The following DLGAP2 variants were observed in gnomAD, a reference collection of about 807,000 sequenced individuals.
DLGAP2 encodes the protein disks large-associated protein 2.
DLGAP2 carries 26 observed loss-of-function variants against 100.3 expected under a neutral mutation model. The observed-to-expected ratio is 0.26, with a 90% confidence interval of 0.19 to 0.36. DLGAP2 has a LOEUF of 0.36. Among genes scored for constraint, DLGAP2 ranks in the 10% least tolerant of loss-of-function variants. The pLI is 1.00. For missense variants in DLGAP2, 1,858 were observed against 1,453.2 expected, an observed-to-expected ratio of 1.28 and a Z score of -4.53; for synonymous variants, 886 against 630.1, an observed-to-expected ratio of 1.41 and a Z score of -6.08.
intron 2 of DLGAP2, among the ~76,000 whole-genome samples, chr8:916,682 A>T (rs555234239): frequency 9.2e-5 from 14 of 152,182 alleles, no homozygotes; most frequent in South Asian, 4.1e-4. Context: ...AAATAAATTT[A>T]AAAAAAAGAA....
Position 900,269 on chromosome 8 carries a change from C to CCGTCCTCTT in DLGAP2, c.19-7642_19-7641insGTCCTCTTC, listed in dbSNP as rs1477737237. On this transcript the variant is annotated intron_variant, in intron 1 of 14. Coordinates refer to ENST00000637795, the MANE Select transcript of DLGAP2 (RefSeq NM_001346810.2). ...ATTGCTCCCAGGCGGACGGTCGGCG[C>CCGTCCTCTT]CATCCTGTTCACGGCGTCGCTCCCG... is the stretch of plus-strand genomic sequence containing the variant. Among the ~76,000 whole-genome samples the CCGTCCTCTT allele has an allele frequency of 2.0e-5, 3 of 148,340 alleles. 1 individual carries two copies. Among genetic ancestry groups the CCGTCCTCTT allele is most frequent in the African/African-American group, 7.5e-5 (3 of 39,946 alleles).
chr8:1,454,931 A>G (rs2130126395), intron 3 of DLGAP2, among the ~76,000 whole-genome samples: 1 of 151,922 alleles, frequency 6.6e-6, no homozygotes, highest in Non-Finnish European at 1.5e-5. Context: ...AAGAACAGCC[A>G]CCTCTGAGCT....
chr8:1,703,277 G>A lies in DLGAP2; in HGVS notation c.*1871G>A, dbSNP rs1799623155. On this transcript the variant is annotated 3_prime_UTR_variant, in exon 15 of 15. Coordinates refer to ENST00000637795, the MANE Select transcript of DLGAP2 (RefSeq NM_001346810.2). Reference sequence around the variant, plus strand: ...TATATTTGGAAGCAAAAATCAGTACGAATGTATCTCCTTGAAAAATGCAAA... The same window carrying A: ...TATATTTGGAAGCAAAAATCAGTACAAATGTATCTCCTTGAAAAATGCAAA... 1.3e-5 allele frequency: 2 copies of A among 150,454 alleles called. No individual in the cohort carries two copies. Among genetic ancestry groups the A allele is most frequent in the Admixed American group, 6.7e-5 (1 of 14,982 alleles). 9.3% of individuals were successfully genotyped at this position (150,454 alleles called of 1,614,324 possible). A position where few individuals can be genotyped will look rare whatever the true frequency, so the allele number is the denominator to read the frequency against.
intron 8 of DLGAP2, among the ~76,000 whole-genome samples, chr8:1,648,567 C>T (rs1180353467): frequency 6.6e-6 from 1 of 152,104 alleles, no homozygotes; most frequent in African/African-American, 2.4e-5. Context: ...TCATTGGTCC[C>T]CTCCGGCTGT....
chr8:802,823 C>T (rs1049784786), intron 1 of DLGAP2, among the ~76,000 whole-genome samples: 6 of 152,130 alleles, frequency 3.9e-5, no homozygotes, highest in African/African-American at 1.4e-4. Flanking sequence ...TGATGTGGCC[C>T]CTCTGAGAAA....
intron 2 of DLGAP2, among the ~76,000 whole-genome samples, chr8:1,136,214 C>G (rs981543543): frequency 7.2e-5 from 11 of 152,128 alleles, no homozygotes; most frequent in African/African-American, 2.4e-4. Context: ...GGGTTCTGCT[C>G]CCTTAGGCAC....
intron 2 of DLGAP2, among the ~76,000 whole-genome samples, chr8:1,143,221 CACAT>C (rs1048457974): frequency 6.6e-6 from 1 of 152,178 alleles, no homozygotes; most frequent in Non-Finnish European, 1.5e-5. Flanking sequence ...AAAATGAAAA[CACAT>C]ACAATGTGCT....
intron 3 of DLGAP2, among the ~76,000 whole-genome samples, chr8:1,491,077 C>CAAAAAAAAAAAAAAAAAAAAAA (rs386411871): frequency 1.6e-5 from 1 of 64,516 alleles, no homozygotes; most frequent in African/African-American, 4.3e-5. Flanking sequence ...AACTGGAAAC[C>CAAAAAAAAAAAAAAAAAAAAAA]AAAAAAAAAA....
At chr8:1,414,515 C>T (rs969321516) in intron 3 of DLGAP2, among the ~76,000 whole-genome samples, 10 of 152,120 alleles carry the variant, frequency 6.6e-5, no homozygotes, top group South Asian at 6.2e-4. Flanking sequence ...AGAGCAGAAG[C>T]GGAAGGTGGC....
intron 5 of DLGAP2, 55 bp downstream of exon 5, chr8:1,549,738 C>T: frequency 2.8e-6 from 4 of 1,451,374 alleles, no homozygotes; most frequent in South Asian, 1.4e-5. Flanking sequence ...GTGGTATTGT[C>T]GTTATTCCTT....
intron 3 of DLGAP2, among the ~76,000 whole-genome samples, chr8:1,439,819 G>T (rs1797776410): frequency 1.3e-5 from 2 of 152,102 alleles, no homozygotes; most frequent in South Asian, 2.1e-4. Flanking sequence ...GGCATTTGAG[G>T]GCAGAGATGT....
At chr8:948,758 T>C (rs1799397793) in intron 2 of DLGAP2, among the ~76,000 whole-genome samples, 1 of 152,218 alleles carries the variant, frequency 6.6e-6, no homozygotes, top group Admixed American at 6.5e-5. Flanking sequence ...TGAGCAGGGC[T>C]CAGGCCGTGG....
chr8:1,036,361 A>G (rs1802123725), intron 2 of DLGAP2, among the ~76,000 whole-genome samples: 1 of 152,238 alleles, frequency 6.6e-6, no homozygotes. Context: ...GGGAGGACAC[A>G]AGACCCCCCG....
At chr8:1,225,536 G>A (rs1408638485) in intron 2 of DLGAP2, among the ~76,000 whole-genome samples, 1 of 152,158 alleles carries the variant, frequency 6.6e-6, no homozygotes, top group East Asian at 1.9e-4. Flanking sequence ...TGTATTAAAT[G>A]CCACTACATG....
intron 1 of DLGAP2, among the ~76,000 whole-genome samples, chr8:894,503 TG>T: frequency 6.6e-6 from 1 of 151,194 alleles, no homozygotes; most frequent in South Asian, 2.1e-4. Context: ...GGGGACACCG[TG>T]ACAAATAAGC....
intron 8 of DLGAP2, among the ~76,000 whole-genome samples, chr8:1,654,296 C>G (rs968797328): frequency 2.0e-5 from 3 of 152,208 alleles, no homozygotes; most frequent in Non-Finnish European, 2.9e-5. Flanking sequence ...AGTTCTTGGT[C>G]TCTTCATTTT....
intron 2 of DLGAP2, among the ~76,000 whole-genome samples, chr8:1,057,793 A>T (rs762157608): frequency 6.6e-6 from 1 of 152,210 alleles, no homozygotes; most frequent in Non-Finnish European, 1.5e-5. Context: ...CAAAAGGGAG[A>T]TAATCTTTAG....
At chr8:843,979 T>C (rs564812545) in intron 1 of DLGAP2, among the ~76,000 whole-genome samples, 1 of 152,366 alleles carries the variant, frequency 6.6e-6, no homozygotes, top group Admixed American at 6.5e-5. Flanking sequence ...GGTAGTATGT[T>C]TTAATGTGTC....
At chr8:1,412,856 T>A (rs1796772876) in intron 3 of DLGAP2, among the ~76,000 whole-genome samples, 1 of 142,224 alleles carries the variant, frequency 7.0e-6, no homozygotes, top group Non-Finnish European at 1.5e-5. Flanking sequence ...CACCTGCATT[T>A]CCTGAGATTA....
Sources: allele counts gnomAD v4.1 joint callset (sites outside exome capture counted in the v4.1 genomes callset), GRCh38; gene constraint gnomAD v4.1.1; transcripts MANE v1.5; gene names NCBI Gene and HGNC (gene_info 2026-07-23, HGNC 2026-07-21).